The following USP34 variants were observed in gnomAD, a reference collection of about 807,000 sequenced individuals.
The protein encoded by USP34 is ubiquitin specific peptidase 34.
A neutral mutation model predicts 460.3 loss-of-function variants in USP34; 70 were observed. That is an observed-to-expected ratio of 0.15 (90% confidence interval 0.13 to 0.19). The LOEUF (loss-of-function observed/expected upper bound fraction) is 0.19, where lower values mean the gene tolerates loss of function less well. Ranked by LOEUF, USP34 falls within the 10% of genes least tolerant of loss-of-function variation. USP34 has a pLI of 1.00. For synonymous variants in USP34, 1,647 were observed against 1,405.3 expected (o/e 1.17, Z -3.85); for missense variants, 3,985 against 4,236.2 (o/e 0.94, Z 1.65).
chr2:61,436,552 T>A (rs979843191), intron 1 of USP34, among the ~76,000 whole-genome samples: 2 of 152,136 alleles, frequency 1.3e-5, no homozygotes, highest in Non-Finnish European at 2.9e-5. Context: ...GACCCAGATA[T>A]ACAACATAAT....
At chr2:61,338,961 G>C (rs900775783) in intron 18 of USP34, among the ~76,000 whole-genome samples, 1 of 152,122 alleles carries the variant, frequency 6.6e-6, no homozygotes, top group African/African-American at 2.4e-5. Flanking sequence ...TAATATCAAA[G>C]TGTTTATGTT....
intron 10 of USP34, among the ~76,000 whole-genome samples, chr2:61,358,416 G>A (rs1040812439): frequency 6.6e-6 from 1 of 151,790 alleles, no homozygotes; most frequent in African/African-American, 2.4e-5. Flanking sequence ...CGAGAAAATT[G>A]GACAACCTGG....
intron 30 of USP34, among the ~76,000 whole-genome samples, chr2:61,295,653 TA>T (rs1690003128): frequency 6.6e-6 from 1 of 152,342 alleles, no homozygotes; most frequent in South Asian, 2.1e-4. Flanking sequence ...ACTATATATT[TA>T]AAAGTCATAC....
In USP34 at chr2:61,380,189, C is replaced by T. The variant is rs1033413928; in HGVS notation, c.994G>A (p.Ala332Thr). ...FMSPTLTMRL[A>T]GLSQITNQLH... is the part of the protein sequence containing the mutation. ...CTTACTGTTATCTGACTCAATCCAG[C>T]CAACCTCATAGTCAAAGTAGGTGAC... Residue 332 changes from alanine (A) to threonine (T), a missense_variant, in exon 7 of 80, where the codon GCT (alanine) becomes ACT (threonine). Coordinates refer to ENST00000398571, the MANE Select transcript of USP34 (RefSeq NM_014709.4). 5.0e-6 allele frequency: 8 copies of T among 1,612,962 alleles called. No individual in the cohort carries two copies. The highest frequency in any genetic ancestry group is 6.8e-6 in the Non-Finnish European group (8 of 1,179,494).
intron 48 of USP34, 137 bp downstream of exon 48, chr2:61,256,247 C>A (rs1320472445): frequency 1.4e-6 from 1 of 720,452 alleles, no homozygotes; most frequent in Non-Finnish European, 2.3e-6. Flanking sequence ...TGAAAAGTTG[C>A]TCCATGAGAC....
chr2:61,387,812 T>G (rs1416459219), intron 5 of USP34, among the ~76,000 whole-genome samples: 2 of 149,402 alleles, frequency 1.3e-5, no homozygotes, highest in Non-Finnish European at 3.0e-5. Flanking sequence ...ATTTTACGTA[T>G]ACACACATGT....
intron 1 of USP34, among the ~76,000 whole-genome samples, chr2:61,456,745 G>C (rs1695452004): frequency 6.6e-6 from 1 of 152,114 alleles, no homozygotes; most frequent in Non-Finnish European, 1.5e-5. Context: ...TTGAGCCCAG[G>C]AGTTCACGAC....
intron 2 of USP34, among the ~76,000 whole-genome samples, chr2:61,419,986 AAG>A (rs1446947972): frequency 6.6e-6 from 1 of 152,224 alleles, no homozygotes; most frequent in Non-Finnish European, 1.5e-5. Flanking sequence ...GAGAGGAAAA[AAG>A]GATATTACCA....
intron 6 of USP34, among the ~76,000 whole-genome samples, chr2:61,382,134 G>A (rs1272508274): frequency 6.6e-6 from 1 of 151,626 alleles, no homozygotes. Context: ...CTTTCAATTG[G>A]TCTCCTCCTA....
chr2:61,278,136 T>C (rs1689429034), intron 41 of USP34, 29 bp downstream of exon 41: 11 of 1,606,698 alleles, frequency 6.8e-6, no homozygotes, highest in South Asian at 1.1e-5. Context: ...TCACATTTCA[T>C]AGAAACATTT....
intron 8 of USP34, among the ~76,000 whole-genome samples, chr2:61,378,092 G>C (rs1209053218): frequency 6.6e-6 from 1 of 152,106 alleles, no homozygotes; most frequent in Non-Finnish European, 1.5e-5. Context: ...AGGATCACCT[G>C]ACCCTGGGAA....
chr2:61,373,848 T>A (rs746462548), intron 8 of USP34, among the ~76,000 whole-genome samples: 1 of 152,198 alleles, frequency 6.6e-6, no homozygotes. Context: ...CTATTTTCTC[T>A]ATTTTACAAA....
chr2:61,348,961 G>C (rs1351247650), intron 13 of USP34, 75 bp from the exon 14 acceptor site: 1 of 1,470,656 alleles, frequency 6.8e-7, no homozygotes, highest in African/African-American at 1.4e-5. Context: ...ATTATCATTT[G>C]ATTCCTTGAC....
rs374524903 is a variant in USP34, at chr2:61,349,224, C to T, written c.1543+26G>A. 6 of 1,605,794 alleles carry T rather than the reference C, an allele frequency of 3.7e-6. No homozygotes were observed. In the South Asian group the frequency reaches 4.5e-5, roughly 12 times the overall value. ...CACTATAAAAAACTAAGTCATGTTG[C>T]CATGAATTTCTAAGGCTCAACTTAC... On this transcript the variant is annotated intron_variant, in intron 13 of 79. Coordinates refer to ENST00000398571, the MANE Select transcript of USP34 (RefSeq NM_014709.4).
chr2:61,346,485 C>A (rs182972105), intron 15 of USP34: 1 of 136,724 alleles, frequency 7.3e-6, no homozygotes, highest in Non-Finnish European at 1.5e-5. Flanking sequence ...ATGATCACAT[C>A]ACTGCACTAC....
Position 61,339,625 on chromosome 2 carries a change from C to T in USP34, c.2557G>A (p.Asp853Asn), listed in dbSNP as rs1481663999. The change falls in exon 17 of 80, where the codon GAT (aspartate) becomes AAT (asparagine). Residue 853 changes from aspartate to asparagine, a missense_variant. By Grantham distance (23) the Asp-to-Asn change is conservative. Coordinates refer to ENST00000398571, the MANE Select transcript of USP34 (RefSeq NM_014709.4). ...GTATTTCCTTTCTTGCAAACATTAT[C>T]CAAATTAATGTCTGTAACAGCATTA... ...NSNAVTDINL[D>N]NVCKKGNTLL... is the part of the protein sequence containing the mutation. The T allele has an allele frequency of 6.3e-7, 1 of 1,581,014 alleles. No individual in the cohort carries two copies. The highest frequency in any genetic ancestry group is 8.5e-7 in the Non-Finnish European group (1 of 1,169,596).
In USP34 at chr2:61,331,256, C is replaced by T. The variant is rs1572941210; in HGVS notation, c.2930+20G>A. On this transcript the variant is annotated intron_variant, in intron 20 of 79. Coordinates refer to ENST00000398571, the MANE Select transcript of USP34 (RefSeq NM_014709.4). ...AAGACATCGACACAAATGTATTTAA[C>T]CCAGTTGAGAGGTACTTACAGTGCA... 7 of 1,584,600 alleles carry T rather than the reference C, an allele frequency of 4.4e-6. No homozygotes were observed. In the East Asian group the frequency reaches 1.4e-4, roughly 31 times the overall value.
chr2:61,190,091 A>C (rs146414477), intron 78 of USP34, 180 bp downstream of exon 78: 1 of 631,100 alleles, frequency 1.6e-6, no homozygotes, highest in African/African-American at 1.9e-5. Context: ...AAGGTGATAG[A>C]GTGTGCTGTG....
chr2:61,442,279 G>C (rs1439258585), intron 1 of USP34, among the ~76,000 whole-genome samples: 1 of 151,906 alleles, frequency 6.6e-6, no homozygotes, highest in Non-Finnish European at 1.5e-5. Context: ...CAAAACTTCT[G>C]TATAGCAAAG....
Sources: gnomAD v4.1 joint callset for allele counts (sites outside exome capture counted in the v4.1 genomes callset) on GRCh38, gnomAD v4.1.1 for gene constraint, MANE v1.5 for transcripts, NCBI Gene and HGNC (gene_info 2026-07-23, HGNC 2026-07-21) for gene names.